Variants in ASB5 observed in about 807,000 individuals in gnomAD.
ASB5 encodes ankyrin repeat and SOCS box protein 5.
A neutral mutation model predicts 42.1 loss-of-function variants in ASB5; 45 were observed. The observed-to-expected ratio is 1.07, with a 90% CI of 0.84 to 1.37. The LOEUF (loss-of-function observed/expected upper bound fraction) is 1.37. Ranked by LOEUF, ASB5 falls within the 40% of genes most tolerant of loss-of-function variation. The pLI is 0.00. For synonymous variants in ASB5, 147 were observed against 150.6 expected (o/e 0.98, Z 0.18); for missense variants, 402 against 399.8 (o/e 1.01, Z -0.05).
intron 1 of ASB5, among the ~76,000 whole-genome samples, chr4:176,258,079 T>C (rs1754188820): frequency 6.6e-6 from 1 of 152,196 alleles, no homozygotes; most frequent in South Asian, 2.1e-4. Flanking sequence ...TTTCCTGTGT[T>C]ACTAAATTAT....
At chr4:176,237,291 A>G in intron 1 of ASB5, 4 of 985,840 alleles carry the variant, frequency 4.1e-6, no homozygotes, top group Non-Finnish European at 4.8e-6. Flanking sequence ...CTGCTATACT[A>G]ACCTTGACTG....
chr4:176,233,261 T>C (rs1361733913), intron 1 of ASB5, among the ~76,000 whole-genome samples: 3 of 152,252 alleles, frequency 2.0e-5, no homozygotes, highest in Non-Finnish European at 4.4e-5. Flanking sequence ...CTTATTCCTC[T>C]TGGCTATATA....
At chr4:176,224,719 C>A (rs1012576490) in intron 2 of ASB5, among the ~76,000 whole-genome samples, 52 of 151,702 alleles carry the variant, frequency 3.4e-4, no homozygotes, top group African/African-American at 1.2e-3. Context: ...AAAAAATACC[C>A]AAGCCAAAGT....
At chr4:176,275,451 T>A (rs911990948) in intron 2 of ASB5, among the ~76,000 whole-genome samples, 16 of 152,142 alleles carry the variant, frequency 1.1e-4, no homozygotes, top group African/African-American at 3.6e-4. Context: ...GAGAAAAAAA[T>A]TATATTTTAA....
Position 176,222,324 on chromosome 4 carries a change from C to T in ASB5, c.373G>A (p.Ala125Thr). 6.2e-7 allele frequency: 1 copy of T among 1,612,216 alleles called. No individual in the cohort carries two copies. The highest frequency in any genetic ancestry group is 2.2e-5 in the East Asian group (1 of 44,874). Residue 125 changes from alanine to threonine, a missense_variant, in exon 3 of 7, where the codon GCA (alanine) becomes ACA (threonine). Coordinates refer to ENST00000296525, the MANE Select transcript of ASB5 (RefSeq NM_080874.4). ...TGAAAGGTACTTACATTAGCTCCTG[C>T]TTCCAGCAGAGTTCTGGCACATGCC... is the stretch of plus-strand genomic sequence containing the variant. Reference protein sequence around the residue: ...HVACARTLLEAGANVNAITID... With the variant: ...HVACARTLLETGANVNAITID...
intron 1 of ASB5, among the ~76,000 whole-genome samples, chr4:176,249,881 C>T (rs11734440): frequency 0.18 from 26,655 of 151,422 alleles, 2,879 homozygotes; most frequent in Middle Eastern, 0.26. Context: ...CTGGCTAACA[C>T]AGTGAAACCC....
intron 2 of ASB5, among the ~76,000 whole-genome samples, chr4:176,275,050 G>T (rs1275163292): frequency 6.6e-6 from 1 of 151,824 alleles, no homozygotes; most frequent in Non-Finnish European, 1.5e-5. Flanking sequence ...GAGTACCTGG[G>T]ATTACAGGCG....
chr4:176,218,234 T>A (rs1235759619), intron 5 of ASB5, among the ~76,000 whole-genome samples: 1 of 51,812 alleles, frequency 1.9e-5, no homozygotes, highest in African/African-American at 7.9e-5. Flanking sequence ...AATATATATA[T>A]ATTTGTATGA....
chr4:176,275,707 G>GCTGGAGGAAGGAAGC (rs1346668142), intron 2 of ASB5: 1 of 152,186 alleles, frequency 6.6e-6, no homozygotes, highest in East Asian at 1.9e-4. Flanking sequence ...AGCCTCTGGT[G>GCTGGAGGAAGGAAGC]CTTCTATCCT....
chr4:176,265,166 A>G (rs1754332995), intron 1 of ASB5, among the ~76,000 whole-genome samples: 1 of 152,086 alleles, frequency 6.6e-6, no homozygotes, highest in African/African-American at 2.4e-5. Context: ...CATGGCATTC[A>G]AATTCCTTCA....
chr4:176,234,410 CT>C (rs1204992520), intron 1 of ASB5, among the ~76,000 whole-genome samples: 1 of 152,178 alleles, frequency 6.6e-6, no homozygotes, highest in African/African-American at 2.4e-5. Flanking sequence ...TGTTCTCTGA[CT>C]TTAGTGCTCT....
chr4:176,246,163 A>G (rs1753908653), intron 1 of ASB5, among the ~76,000 whole-genome samples: 1 of 152,214 alleles, frequency 6.6e-6, no homozygotes, highest in African/African-American at 2.4e-5. Context: ...TTAAAATATC[A>G]GAATTGGAAG....
At chr4:176,269,633 T>C (rs1443528611), upstream of ASB5, among the ~76,000 whole-genome samples, 1 of 107,882 alleles carries the variant, frequency 9.3e-6, no homozygotes, top group Non-Finnish European at 2.1e-5. Flanking sequence ...ATTATGTTAT[T>C]TTTACTGATT....
In ASB5 at chr4:176,215,025, GC is replaced by G. The variant is rs1319229677; in HGVS notation, c.*574del. 1 of 149,036 alleles carries G rather than the reference GC, an allele frequency of 6.7e-6. No individual in the cohort carries two copies. The highest frequency in any genetic ancestry group is 1.5e-5 in the Non-Finnish European group (1 of 67,598). The allele number at this position is 149,036 out of a possible 1,614,324, so 9.2% of individuals were successfully genotyped here. A position where few individuals can be genotyped will look rare whatever the true frequency, so the allele number is the denominator to read the frequency against. On this transcript the variant is annotated 3_prime_UTR_variant, in exon 7 of 7. Coordinates refer to ENST00000296525, the MANE Select transcript of ASB5 (RefSeq NM_080874.4). ...AAGAGAAGTGACTTGTGAGTCCTTT[GC>G]CAGGGGTAAGTGGGGGAGAGGGGGG... is the stretch of plus-strand genomic sequence containing the variant.
At chr4:176,216,747 A>C (rs567044049) in intron 6 of ASB5, 71 bp downstream of exon 6, 3 of 1,266,270 alleles carry the variant, frequency 2.4e-6, no homozygotes, top group Non-Finnish European at 3.3e-6. Context: ...GCCAACAAAA[A>C]CTCTCTCACT....
intron 1 of ASB5, among the ~76,000 whole-genome samples, chr4:176,261,433 G>A (rs1204419398): frequency 2.0e-5 from 3 of 152,092 alleles, no homozygotes; most frequent in African/African-American, 7.2e-5. Context: ...TTAGATATAT[G>A]CTTCGAAATG....
chr4:176,253,572 G>T (rs1273823951), intron 1 of ASB5, among the ~76,000 whole-genome samples: 1 of 152,140 alleles, frequency 6.6e-6, no homozygotes, highest in East Asian at 1.9e-4. Context: ...GAAATAAAAG[G>T]CATCCAAATA....
rs116140179 is a variant in ASB5 at position 176,233,102 on chromosome 4, A to T, written c.197-7761T>A. ...TTGTAATGAATGTAAAGTACTTAGC[A>T]CAGTACTAAATGCATTTGAAACATC... On this transcript the variant is annotated intron_variant, in intron 1 of 6. Transcript: ENST00000296525. 5.6e-3 allele frequency among the ~76,000 whole-genome samples: 847 copies of T among 152,340 alleles called. 10 individuals carry two copies. Among genetic ancestry groups the T allele is most frequent in the African/African-American group, 0.019 (792 of 41,570 alleles).
chr4:176,235,465 A>T (rs1027501139), intron 1 of ASB5, among the ~76,000 whole-genome samples: 3 of 152,200 alleles, frequency 2.0e-5, no homozygotes, highest in Admixed American at 6.5e-5. Context: ...CATTTAAGAT[A>T]TCTCATGGTC....
Sources: allele counts gnomAD v4.1 joint callset (sites outside exome capture counted in the v4.1 genomes callset), GRCh38; gene constraint gnomAD v4.1.1; transcripts MANE v1.5; gene names NCBI Gene and HGNC (gene_info 2026-07-23, HGNC 2026-07-21).